The following SLC35F3 variants were observed in gnomAD, a reference collection of about 807,000 sequenced individuals.
The protein encoded by SLC35F3 is putative thiamine transporter SLC35F3.
SLC35F3 carries 25 observed loss-of-function variants against 49.9 expected under a neutral mutation model. That is an observed-to-expected ratio of 0.50 (90% CI 0.37 to 0.70). SLC35F3 has a LOEUF of 0.70. Among genes scored for constraint, SLC35F3 ranks in the 30% least tolerant of loss-of-function variants. The pLI, the probability that SLC35F3 is intolerant of heterozygous loss-of-function variation, is 0.00. For missense variants in SLC35F3, 525 were observed against 639.8 expected (o/e 0.82, Z 1.94); for synonymous variants, 275 against 265.4 (o/e 1.04, Z -0.35).
intron 3 of SLC35F3, among the ~76,000 whole-genome samples, chr1:234,264,091 A>G (rs1386601124): frequency 1.3e-5 from 2 of 152,246 alleles, no homozygotes; most frequent in Non-Finnish European, 2.9e-5. Flanking sequence ...CCTGGGCGAC[A>G]GAGCAAAACT....
intron 2 of SLC35F3, among the ~76,000 whole-genome samples, chr1:234,217,005 AT>A (rs1239494201): frequency 6.6e-6 from 1 of 151,946 alleles, no homozygotes; most frequent in Non-Finnish European, 1.5e-5. Context: ...CTTTTGGTCT[AT>A]TTTTTGGAAA....
chr1:234,140,002 A>AATAAAATAAATAAAATAAAATAAT, intron 2 of SLC35F3, among the ~76,000 whole-genome samples: 1 of 105,480 alleles, frequency 9.5e-6, no homozygotes, highest in Admixed American at 9.0e-5. Context: ...AATAAAATAA[A>AATAAAATAAATAAAATAAAATAAT]GTAAGTGACT....
chr1:234,183,294 C>A (rs1029478712), intron 2 of SLC35F3, among the ~76,000 whole-genome samples: 1 of 142,992 alleles, frequency 7.0e-6, no homozygotes, highest in Non-Finnish European at 1.5e-5. Flanking sequence ...TGGGACTACA[C>A]GCGTGAGCCA....
intron 2 of SLC35F3, among the ~76,000 whole-genome samples, chr1:234,069,881 C>A (rs1383132779): frequency 6.6e-6 from 1 of 152,206 alleles, no homozygotes; most frequent in Non-Finnish European, 1.5e-5. Context: ...ACTGCCCAGA[C>A]TGTGCTACAT....
chr1:234,118,165 T>C (rs963105909), intron 2 of SLC35F3, among the ~76,000 whole-genome samples: 1 of 152,136 alleles, frequency 6.6e-6, no homozygotes, highest in South Asian at 2.1e-4. Flanking sequence ...AATTCCAAGA[T>C]ACTGCTTCCT....
At chr1:234,261,043 A>G (rs1029021394) in intron 3 of SLC35F3, among the ~76,000 whole-genome samples, 1 of 152,210 alleles carries the variant, frequency 6.6e-6, no homozygotes, top group African/African-American at 2.4e-5. Flanking sequence ...TTAAAAATGA[A>G]AATAATTGTA....
intron 3 of SLC35F3, among the ~76,000 whole-genome samples, chr1:234,272,107 C>G (rs1668117203): frequency 6.6e-6 from 1 of 152,128 alleles, no homozygotes; most frequent in African/African-American, 2.4e-5. Flanking sequence ...GCCTGGGCAA[C>G]AGAGCGAGAC....
intron 2 of SLC35F3, among the ~76,000 whole-genome samples, chr1:234,190,449 G>A (rs538424653): frequency 8.5e-5 from 13 of 152,254 alleles, no homozygotes; most frequent in South Asian, 8.3e-4. Context: ...AAACTTGAAA[G>A]CAACAGCAGT....
chr1:233,981,212 CGT>C (rs558660882), intron 2 of SLC35F3, among the ~76,000 whole-genome samples: 2 of 151,696 alleles, frequency 1.3e-5, no homozygotes, highest in Admixed American at 6.6e-5. Context: ...TTTATGTGTA[CGT>C]GTGTGTGTGT....
intron 2 of SLC35F3, among the ~76,000 whole-genome samples, chr1:234,168,833 G>A (rs1418545099): frequency 1.3e-5 from 2 of 152,198 alleles, no homozygotes; most frequent in Non-Finnish European, 2.9e-5. Flanking sequence ...ACAGCGAAAC[G>A]ACCCCAGCCC....
intron 2 of SLC35F3, among the ~76,000 whole-genome samples, chr1:234,102,476 G>A (rs984923194): frequency 6.6e-5 from 10 of 152,206 alleles, no homozygotes; most frequent in Admixed American, 3.9e-4. Flanking sequence ...GAGCCCAGTC[G>A]TGTGCAAGAT....
rs910549117 is a variant in SLC35F3, at chr1:234,074,343, C to T, written c.284-157074C>T. ...CAGTTAACAATGATTGAACACTGGG[C>T]ACTTCTAAAAGCAATGCCAGAGCAA... On this transcript the variant is annotated intron_variant, in intron 2 of 7. Transcript: ENST00000366618. Among the ~76,000 whole-genome samples the T allele has an allele frequency of 7.2e-5, 11 of 152,342 alleles. No individual in the cohort carries two copies. The East Asian group carries it at 2.1e-3, about 29-fold the overall frequency.
rs887584770 is a variant in SLC35F3 at position 234,046,850 on chromosome 1, A to G, written c.283+141092A>G. ...TAAGTAATCTCATTAACTGCAGTGC[A>G]TCTTGTCAGTTTTCAAAATTTCACA... On this transcript the variant is annotated intron_variant, in intron 2 of 7. Coordinates refer to ENST00000366618, the MANE Select transcript of SLC35F3 (RefSeq NM_173508.4). The surrounding 1 kb of genome is among the most constrained non-coding windows in gnomAD (Gnocchi z 4.4). Among the ~76,000 whole-genome samples the G allele has an allele frequency of 1.3e-5, 2 of 152,138 alleles. No individual in the cohort carries two copies. The highest frequency in any genetic ancestry group is 4.8e-5 in the African/African-American group (2 of 41,438).
At chr1:233,930,575 A>T (rs1007017786) in intron 2 of SLC35F3, among the ~76,000 whole-genome samples, 1 of 152,170 alleles carries the variant, frequency 6.6e-6, no homozygotes, top group Non-Finnish European at 1.5e-5. Flanking sequence ...ATGGGGGTTG[A>T]TGCACACATT....
chr1:234,083,288 A>G (rs1400017572), intron 2 of SLC35F3, among the ~76,000 whole-genome samples: 1 of 152,252 alleles, frequency 6.6e-6, no homozygotes, highest in Admixed American at 6.5e-5. Flanking sequence ...GATAGAGTGG[A>G]TCAGGTCAGA....
At chr1:234,156,677 G>A (rs1208863360) in intron 2 of SLC35F3, among the ~76,000 whole-genome samples, 2 of 152,072 alleles carry the variant, frequency 1.3e-5, no homozygotes, top group East Asian at 1.9e-4. Flanking sequence ...AGTGTTCAGA[G>A]CAGCATTATT....
At chr1:233,969,274 G>A (rs1233368604) in intron 2 of SLC35F3, among the ~76,000 whole-genome samples, 1 of 152,226 alleles carries the variant, frequency 6.6e-6, no homozygotes, top group Non-Finnish European at 1.5e-5. Context: ...CTATAGGAAT[G>A]GCTGATTTTC....
chr1:233,947,344 G>T (rs1270667149), intron 2 of SLC35F3, among the ~76,000 whole-genome samples: 1 of 147,960 alleles, frequency 6.8e-6, no homozygotes, highest in Non-Finnish European at 1.5e-5. Context: ...AGAGGGAGGA[G>T]AGAGAGAGAG....
intron 2 of SLC35F3, among the ~76,000 whole-genome samples, chr1:233,995,833 T>C (rs912045539): frequency 5.9e-5 from 9 of 152,186 alleles, no homozygotes; most frequent in Non-Finnish European, 1.3e-4. Context: ...GGGTGGGACC[T>C]GTGCCTACTG....
Sources: allele counts gnomAD v4.1 joint callset (sites outside exome capture counted in the v4.1 genomes callset), GRCh38; gene constraint gnomAD v4.1.1; non-coding constraint Gnocchi (gnomAD v3.1); transcripts MANE v1.5; gene names NCBI Gene and HGNC (gene_info 2026-07-23, HGNC 2026-07-21).